PAPSS2: variants seen among roughly 807,000 people sequenced by gnomAD.
PAPSS2 encodes bifunctional 3'-phosphoadenosine 5'-phosphosulfate synthase 2.
PAPSS2 carries 61 observed loss-of-function variants against 66.5 expected under a neutral mutation model. The observed-to-expected ratio is 0.92, with a 90% CI of 0.75 to 1.14. The LOEUF (loss-of-function observed/expected upper bound fraction) is 1.14. Ranked by LOEUF, PAPSS2 falls within the 50% of genes most tolerant of loss-of-function variation. The pLI is 0.00. For synonymous variants in PAPSS2, 289 were observed against 287.5 expected (o/e 1.01, Z -0.05); for missense variants, 708 against 789.6 (o/e 0.90, Z 1.24).
chr10:87,660,047 A>G (rs2131888945), intron 1 of PAPSS2, 39 bp downstream of exon 1: 1 of 1,598,912 alleles, frequency 6.3e-7, no homozygotes, highest in South Asian at 1.1e-5. Flanking sequence ...CCGCCACCGC[A>G]CTGCACGCGC....
intron 2 of PAPSS2, 60 bp from the exon 3 acceptor site, chr10:87,713,015 A>C (rs1853481467): frequency 1.1e-6 from 1 of 912,132 alleles, no homozygotes. Flanking sequence ...AGATTAGTTC[A>C]CAATTTGTCA....
intron 7 of PAPSS2, among the ~76,000 whole-genome samples, chr10:87,717,656 G>T (rs1445620854): frequency 6.6e-6 from 1 of 152,110 alleles, no homozygotes; most frequent in Non-Finnish European, 1.5e-5. Flanking sequence ...TTGAACTCCT[G>T]AATTCAAGCA....
chr10:87,731,199 A>G (rs1853724726), intron 9 of PAPSS2, among the ~76,000 whole-genome samples: 1 of 152,220 alleles, frequency 6.6e-6, no homozygotes, highest in South Asian at 2.1e-4. Context: ...TAGGGTCCTT[A>G]AGGATTATGC....
Position 87,715,054 on chromosome 10 carries a change from G to A in PAPSS2, c.709G>A (p.Val237Ile), listed in dbSNP as rs201195832. 186 of 1,613,212 alleles carry A rather than the reference G, an allele frequency of 1.2e-4. No individual in the cohort carries two copies. The highest frequency in any genetic ancestry group is 1.7e-4 in the Middle Eastern group (1 of 6,058). Residue 237 changes from valine to isoleucine, a missense_variant, in exon 6 of 13, where the codon GTC (valine) becomes ATC (isoleucine). Val to Ile is a conservative substitution (Grantham distance 29). Coordinates refer to ENST00000456849, the MANE Select transcript of PAPSS2 (RefSeq NM_001015880.2). ...LFVPENKLDHVRAEAETLPSL... is the reference protein window; with the variant it reads ...LFVPENKLDHIRAEAETLPSL... ...TGTGCCGGAAAACAAACTTGACCACGTCCGAGCTGAGGCTGAAACTCTCCC... is the reference window on the plus strand; with the variant it reads ...TGTGCCGGAAAACAAACTTGACCACATCCGAGCTGAGGCTGAAACTCTCCC...
At chr10:87,693,946 G>T (rs1853202556) in intron 1 of PAPSS2, among the ~76,000 whole-genome samples, 1 of 152,178 alleles carries the variant, frequency 6.6e-6, no homozygotes, top group African/African-American at 2.4e-5. Context: ...CTAAAGTTTG[G>T]AACATGTCAT....
At chr10:87,680,224 C>T (rs1455658304) in intron 1 of PAPSS2, among the ~76,000 whole-genome samples, 2 of 152,188 alleles carry the variant, frequency 1.3e-5, no homozygotes, top group Non-Finnish European at 2.9e-5. Context: ...GACTTACTCT[C>T]AGATTTGGGA....
At chr10:87,717,901 G>A (rs575790238) in intron 7 of PAPSS2, among the ~76,000 whole-genome samples, 37 of 152,272 alleles carry the variant, frequency 2.4e-4, no homozygotes, top group Admixed American at 9.8e-4. Flanking sequence ...GATCCAAAAA[G>A]ATGAAGAACA....
At position 87,734,687 on chromosome 10, in the gene PAPSS2, A is replaced by G. The variant is rs142132269; in HGVS notation, c.1087-6548A>G. Among the ~76,000 whole-genome samples the G allele has an allele frequency of 4.4e-4, 55 of 125,872 alleles. 1 individual carries two copies. The highest frequency in any genetic ancestry group is 1.6e-3 in the African/African-American group (53 of 32,860). The allele number at this position is 125,872 out of a possible 152,430, so 82.6% of individuals were successfully genotyped here. A position where few individuals can be genotyped will look rare whatever the true frequency, so the allele number is the denominator to read the frequency against. ...TGTATATATATATATATATATATATATATATATATATATATATATGTATGT... is the reference window on the plus strand; with the variant it reads ...TGTATATATATATATATATATATATGTATATATATATATATATATGTATGT... On this transcript the variant is annotated intron_variant, in intron 9 of 12. Coordinates refer to ENST00000456849, the MANE Select transcript of PAPSS2 (RefSeq NM_001015880.2).
At chr10:87,708,276 TA>T (rs1229221795) in intron 1 of PAPSS2, among the ~76,000 whole-genome samples, 1 of 152,232 alleles carries the variant, frequency 6.6e-6, no homozygotes, top group African/African-American at 2.4e-5. Flanking sequence ...ACCTAATAAC[TA>T]GTACATTTCC....
At chr10:87,664,814 CATAAAT>C (rs746404059) in intron 1 of PAPSS2, among the ~76,000 whole-genome samples, 192 of 152,288 alleles carry the variant, frequency 1.3e-3, no homozygotes, top group Non-Finnish European at 2.4e-3. Flanking sequence ...GGTAAATAAA[CATAAAT>C]ATAACACTAG....
chr10:87,704,633 CT>C (rs1051899304), intron 1 of PAPSS2, among the ~76,000 whole-genome samples: 1 of 151,884 alleles, frequency 6.6e-6, no homozygotes, highest in Non-Finnish European at 1.5e-5. Context: ...CATCTGCTTA[CT>C]TTTTTTTGTT....
At position 87,701,473 on chromosome 10, in the gene PAPSS2, G is replaced by T. The variant is rs552347919; in HGVS notation, c.28-7723G>T. ...GTCTCACTCCATTGCCAAGACTGGAGTTCAGTAGTATGATAAGGGCTCACT... is the reference window on the plus strand; with the variant it reads ...GTCTCACTCCATTGCCAAGACTGGATTTCAGTAGTATGATAAGGGCTCACT... On this transcript the variant is annotated intron_variant, in intron 1 of 12. Transcript: ENST00000456849. 2.0e-5 allele frequency among the ~76,000 whole-genome samples: 3 copies of T among 147,182 alleles called. No individual in the cohort carries two copies. In the Admixed American group the frequency reaches 2.1e-4, roughly 10 times the overall value.
intron 1 of PAPSS2, chr10:87,703,987 G>A (rs1853350951): frequency 4.0e-6 from 2 of 494,706 alleles, no homozygotes; most frequent in African/African-American, 2.0e-5. Flanking sequence ...TCTTTCCAAA[G>A]CTTAGAACAT....
chr10:87,741,549 T>C lies in PAPSS2; in HGVS notation c.1222+179T>C, dbSNP rs10218936. 0.41 allele frequency among the ~76,000 whole-genome samples: 61,728 copies of C among 151,804 alleles called. 13,456 individuals are homozygous for C. Among genetic ancestry groups the C allele is most frequent in the African/African-American group, 0.57 (23,450 of 41,390 alleles). The stretch of plus-strand genomic sequence containing the variant: ...AGCTTGGATTACAGGTGCCCACCAC[T>C]ACGCCCAGCTAATTTTTGTATTTTT... On this transcript the variant is annotated intron_variant, in intron 10 of 12. Coordinates refer to ENST00000456849, the MANE Select transcript of PAPSS2 (RefSeq NM_001015880.2).
In PAPSS2 at chr10:87,701,404, T is replaced by TTCTC. The variant is rs60115570; in HGVS notation, c.28-7766_28-7763dup. ...TCTTTCTTTCTTTCTTTCTCTTTCT[T>TTCTC]TCTCTCTCTCTCTCTCTCTCTCTCT... On this transcript the variant is annotated intron_variant, in intron 1 of 12. Coordinates refer to ENST00000456849, the MANE Select transcript of PAPSS2 (RefSeq NM_001015880.2). Among the ~76,000 whole-genome samples the TTCTC allele has an allele frequency of 2.9e-4, 17 of 57,874 alleles. 1 individual carries two copies. In the East Asian group the frequency reaches 3.8e-3, roughly 13 times the overall value. The allele number at this position is 57,874 out of a possible 152,430, so 38.0% of individuals were successfully genotyped here.
intron 1 of PAPSS2, among the ~76,000 whole-genome samples, chr10:87,677,341 C>CCTT (rs1393896036): frequency 1.3e-5 from 2 of 152,126 alleles, no homozygotes; most frequent in South Asian, 2.1e-4. Context: ...CTTTCTTCTT[C>CCTT]CTTCTATATT....
intron 1 of PAPSS2, among the ~76,000 whole-genome samples, chr10:87,669,298 T>A (rs951744220): frequency 2.0e-5 from 3 of 152,216 alleles, no homozygotes; most frequent in African/African-American, 7.2e-5. Flanking sequence ...TCAGTTCAGT[T>A]TTACCTCTAA....
chr10:87,703,907 A>C (rs1432367368), intron 1 of PAPSS2: 4 of 501,958 alleles, frequency 8.0e-6, no homozygotes, highest in South Asian at 4.4e-5. Flanking sequence ...ACACACAGCA[A>C]GACAGACATT....
intron 8 of PAPSS2, among the ~76,000 whole-genome samples, chr10:87,722,582 C>T (rs1425192831): frequency 6.6e-6 from 1 of 151,930 alleles, no homozygotes; most frequent in Non-Finnish European, 1.5e-5. Context: ...GTTAAAGAAC[C>T]ACAATATTCT....
Sources: allele counts gnomAD v4.1 joint callset (sites outside exome capture counted in the v4.1 genomes callset), GRCh38; gene constraint gnomAD v4.1.1; transcripts MANE v1.5; gene names NCBI Gene and HGNC (gene_info 2026-07-23, HGNC 2026-07-21).